The following MCC variants were observed in gnomAD, a reference collection of about 807,000 sequenced individuals.
MCC encodes colorectal mutant cancer protein.
In MCC, 90 loss-of-function variants were observed where a neutral mutation model predicts 116.2. That is an observed-to-expected ratio of 0.77 (90% CI 0.65 to 0.92). The LOEUF (loss-of-function observed/expected upper bound fraction) is 0.92. Among genes scored for constraint, MCC ranks in the 40% least tolerant of loss-of-function variants. MCC has a pLI of 0.00. For synonymous variants in MCC, 578 were observed against 510.5 expected (o/e 1.13, Z -1.78); for missense variants, 1,516 against 1,312.2 (o/e 1.16, Z -2.40).
intron 1 of MCC, chr5:113,435,306 G>A (rs1250815889): frequency 6.0e-6 from 1 of 165,298 alleles, no homozygotes; most frequent in Non-Finnish European, 1.3e-5. Flanking sequence ...ATTAATAAAG[G>A]TGGGAGCAGA....
In MCC at chr5:113,053,871, T is replaced by A. The variant is rs1752645659; in HGVS notation, c.2302A>T (p.Asn768Tyr). 6.2e-7 allele frequency: 1 copy of A among 1,613,946 alleles called. No homozygotes were observed. The highest frequency in any genetic ancestry group is 1.7e-5 in the Admixed American group (1 of 59,980). ...GTCAGCTTGACCGCAGCCCTGTCAT[T>A]CTTGAGCTGCTGGATATAATCCTTC... The part of the protein sequence containing the change: ...RLKDYIQQLK[N>Y]DRAAVKLTML... Residue 768 changes from asparagine (N) to tyrosine (Y), a missense_variant, in exon 15 of 19, where the codon AAT becomes TAT. Asn to Tyr is a moderately radical substitution (Grantham distance 143). Transcript: ENST00000408903.
intron 1 of MCC, among the ~76,000 whole-genome samples, chr5:113,385,708 ACAT>A (rs1021917277): frequency 9.8e-5 from 15 of 152,332 alleles, no homozygotes; most frequent in African/African-American, 3.6e-4. Context: ...CTTGTTTAAA[ACAT>A]CATTTAATCT....
intron 5 of MCC, among the ~76,000 whole-genome samples, chr5:113,136,888 T>A (rs1584056): frequency 0.97 from 147,870 of 152,286 alleles, 71,953 homozygotes; most frequent in East Asian, 1. Flanking sequence ...GACTTCCTGT[T>A]TTACGTTGGG....
At chr5:113,345,580 G>A (rs1374758362) in intron 2 of MCC, among the ~76,000 whole-genome samples, 6 of 152,216 alleles carry the variant, frequency 3.9e-5, no homozygotes, top group Admixed American at 1.3e-4. Flanking sequence ...GAGAGGCTTC[G>A]TATGTTTGGG....
intron 3 of MCC, chr5:113,323,186 C>G (rs958230182): frequency 2.0e-5 from 3 of 152,328 alleles, no homozygotes; most frequent in African/African-American, 7.2e-5. Context: ...GCAGCCCTGG[C>G]TGATGACTTG....
Position 113,367,633 on chromosome 5 carries a change from G to GT in MCC, c.415+17334_415+17335insA, listed in dbSNP as rs552677334. ...GGGCATAAGGAAGGCAGAGGGTGGG[G>GT]GGGGGGAAGAGAGAGAGAAAGAGAG... On this transcript the variant is annotated intron_variant, in intron 2 of 18. Transcript: ENST00000408903. Among the ~76,000 whole-genome samples, 7 of 107,578 alleles carry GT rather than the reference G, an allele frequency of 6.5e-5. No individual in the cohort carries two copies. The South Asian group carries it at 1.2e-3, about 18-fold the overall frequency. The allele number at this position is 107,578 out of a possible 152,430, so 70.6% of individuals were successfully genotyped here.
At chr5:113,070,645 T>C (rs1016425581) in intron 12 of MCC, among the ~76,000 whole-genome samples, 11 of 152,234 alleles carry the variant, frequency 7.2e-5, no homozygotes, top group Non-Finnish European at 2.9e-5. Flanking sequence ...AGTCTAAATG[T>C]CTTTTAGAAA....
chr5:113,469,123 C>T (rs1772004328), intron 1 of MCC, among the ~76,000 whole-genome samples: 1 of 152,026 alleles, frequency 6.6e-6, no homozygotes, highest in African/African-American at 2.4e-5. Context: ...TTGACCTTTT[C>T]AAAAAACCAG....
chr5:113,089,622 C>A (rs1206241336), intron 8 of MCC, among the ~76,000 whole-genome samples: 2 of 152,240 alleles, frequency 1.3e-5, no homozygotes, highest in Non-Finnish European at 2.9e-5. Context: ...GCACTATCTG[C>A]TATGGTAGCC....
At chr5:113,420,063 A>T (rs1036565450) in intron 1 of MCC, among the ~76,000 whole-genome samples, 1 of 151,122 alleles carries the variant, frequency 6.6e-6, no homozygotes, top group African/African-American at 2.4e-5. Flanking sequence ...AGAAAAGAAA[A>T]AAAGGTGAAA....
chr5:113,177,477 A>G (rs1007990094), intron 3 of MCC, among the ~76,000 whole-genome samples: 2 of 152,252 alleles, frequency 1.3e-5, no homozygotes, highest in Admixed American at 1.3e-4. Flanking sequence ...TCTCTCAGGT[A>G]CATAACCATG....
intron 2 of MCC, among the ~76,000 whole-genome samples, chr5:113,356,375 AATATT>A (rs1209265264): frequency 6.7e-6 from 1 of 148,300 alleles, no homozygotes; most frequent in Non-Finnish European, 1.5e-5. Context: ...TCTAATAGAT[AATATT>A]ATATATTTTA....
At chr5:113,162,849 C>A (rs1760565946) in intron 3 of MCC, among the ~76,000 whole-genome samples, 1 of 152,120 alleles carries the variant, frequency 6.6e-6, no homozygotes, top group Non-Finnish European at 1.5e-5. Context: ...CTTCTGCCTG[C>A]TAAAAAGTGT....
chr5:113,304,056 C>T (rs963875408), intron 3 of MCC, among the ~76,000 whole-genome samples: 5 of 152,154 alleles, frequency 3.3e-5, no homozygotes, highest in African/African-American at 7.2e-5. Flanking sequence ...CTGAGCTTTT[C>T]TTCCTTTACT....
chr5:113,214,692 G>A (rs1454269825), intron 3 of MCC, among the ~76,000 whole-genome samples: 1 of 152,112 alleles, frequency 6.6e-6, no homozygotes, highest in Non-Finnish European at 1.5e-5. Context: ...CAGATCACTT[G>A]GATCTGCTAA....
chr5:113,023,573 T>TA lies in MCC; in HGVS notation c.*3728dup, dbSNP rs1327552526. The TA allele has an allele frequency of 2.0e-5, 3 of 152,248 alleles. No homozygotes were observed. The East Asian group carries it at 5.8e-4, about 29-fold the overall frequency. The allele number at this position is 152,248 out of a possible 1,614,324, so 9.4% of individuals were successfully genotyped here. The stretch of plus-strand genomic sequence containing the variant: ...AATCTCAACCATTACAGAAGTCTCT[T>TA]ACTATTTTGGCTCTCAAAATACTCT... On this transcript the variant is annotated 3_prime_UTR_variant, in exon 19 of 19. Coordinates refer to ENST00000408903, the MANE Select transcript of MCC (RefSeq NM_001085377.2).
chr5:113,083,629 C>T (rs79451576), intron 10 of MCC, among the ~76,000 whole-genome samples: 4 of 152,298 alleles, frequency 2.6e-5, no homozygotes, highest in African/African-American at 9.6e-5. Flanking sequence ...TTTCCAGACT[C>T]CACAAATGAA....
At chr5:113,461,016 C>T (rs1363323772) in intron 1 of MCC, among the ~76,000 whole-genome samples, 1 of 152,160 alleles carries the variant, frequency 6.6e-6, no homozygotes, top group African/African-American at 2.4e-5. Context: ...TTTTTCGACT[C>T]AGGAGGCTGA....
At chr5:113,135,558 C>CAA (rs11377680) in intron 5 of MCC, among the ~76,000 whole-genome samples, 2,985 of 102,544 alleles carry the variant, frequency 0.029, 59 homozygotes, top group South Asian at 0.1. Context: ...GACTCTGTCT[C>CAA]AAAAAAAAAA....
Sources: gnomAD v4.1 joint callset for allele counts (sites outside exome capture counted in the v4.1 genomes callset) on GRCh38, gnomAD v4.1.1 for gene constraint, MANE v1.5 for transcripts, NCBI Gene and HGNC (gene_info 2026-07-23, HGNC 2026-07-21) for gene names.